The following TGFBR3 variants were observed in gnomAD, a reference collection of about 807,000 sequenced individuals.
TGFBR3 encodes transforming growth factor beta receptor type 3.
In TGFBR3, 46 loss-of-function variants were observed where a neutral mutation model predicts 87.9. That is an observed-to-expected ratio of 0.52 (90% confidence interval 0.41 to 0.67). The LOEUF (loss-of-function observed/expected upper bound fraction) is 0.67, where lower values mean the gene tolerates loss of function less well. Among genes scored for constraint, TGFBR3 ranks in the 30% least tolerant of loss-of-function variants. The pLI is 0.00. For synonymous variants in TGFBR3, 381 were observed against 391.6 expected, an observed-to-expected ratio of 0.97 and a Z score of 0.32; for missense variants, 866 against 1,041.9, an observed-to-expected ratio of 0.83 and a Z score of 2.32.
chr1:91,734,739 A>G (rs1449766442), intron 5 of TGFBR3, 37 bp downstream of exon 5: 1 of 1,608,178 alleles, frequency 6.2e-7, no homozygotes, highest in Admixed American at 1.7e-5. Context: ...ATTGCCTGTC[A>G]TAAATCAGTC....
chr1:91,884,723 A>C (rs1381980936), intron 1 of TGFBR3, among the ~76,000 whole-genome samples: 1 of 152,252 alleles, frequency 6.6e-6, no homozygotes, highest in Non-Finnish European at 1.5e-5. Flanking sequence ...GATTAAGTGC[A>C]CACAGTATGG....
chr1:91,695,329 T>C (rs1555890), intron 16 of TGFBR3, among the ~76,000 whole-genome samples: 17,688 of 152,162 alleles, frequency 0.12, 1,188 homozygotes, highest in South Asian at 0.25. Context: ...CTTCCTCTCA[T>C]GTATATGCCT....
chr1:91,863,738 G>A lies in TGFBR3; in HGVS notation c.-113-2094C>T, dbSNP rs1678280584. On this transcript the variant is annotated intron_variant, in intron 1 of 16. Transcript: ENST00000212355. ...CTAAAAGAACAAAATTACCAGTCAA[G>A]TTGAGGCATAAGTCATCAATGACAC... is the stretch of plus-strand genomic sequence containing the variant. 3 of 152,318 alleles carry A rather than the reference G, an allele frequency of 2.0e-5. No homozygotes were observed. In the South Asian group the frequency reaches 6.2e-4, roughly 32 times the overall value. The allele number at this position is 152,318 out of a possible 1,614,324, so 9.4% of individuals were successfully genotyped here.
At chr1:91,759,548 G>A (rs764542782) in intron 3 of TGFBR3, among the ~76,000 whole-genome samples, 19 of 152,072 alleles carry the variant, frequency 1.2e-4, no homozygotes, top group South Asian at 2.1e-4. Context: ...ACTCAACAAA[G>A]TCCTCTTGGC....
At chr1:91,778,755 T>C (rs1423694020) in intron 3 of TGFBR3, among the ~76,000 whole-genome samples, 1 of 152,162 alleles carries the variant, frequency 6.6e-6, no homozygotes, top group Non-Finnish European at 1.5e-5. Flanking sequence ...AGATAAAACA[T>C]CTATACTGAT....
chr1:91,712,162 C>A (rs757912878), intron 13 of TGFBR3, 81 bp downstream of exon 13: 3 of 1,363,042 alleles, frequency 2.2e-6, no homozygotes, highest in African/African-American at 2.9e-5. Context: ...AAACCTCAAC[C>A]TGCAAGACCT....
At chr1:91,714,425 T>C (rs755242711) in intron 12 of TGFBR3, among the ~76,000 whole-genome samples, 1 of 152,052 alleles carries the variant, frequency 6.6e-6, no homozygotes, top group Admixed American at 6.5e-5. Flanking sequence ...AGATGACCAA[T>C]GAACAGGTGG....
At chr1:91,800,625 T>C (rs1238079088) in intron 2 of TGFBR3, among the ~76,000 whole-genome samples, 1 of 151,466 alleles carries the variant, frequency 6.6e-6, no homozygotes, top group African/African-American at 2.4e-5. Flanking sequence ...AAGTTCCTCA[T>C]AGAATTTTTT....
intron 14 of TGFBR3, among the ~76,000 whole-genome samples, chr1:91,704,745 T>C (rs1193370786): frequency 2.6e-5 from 4 of 152,218 alleles, no homozygotes; most frequent in Non-Finnish European, 4.4e-5. Context: ...AACCCAACAC[T>C]GATTCCCAAG....
chr1:91,708,906 G>A (rs951046899), intron 13 of TGFBR3, 123 bp from the exon 14 acceptor site: 107 of 1,369,042 alleles, frequency 7.8e-5, no homozygotes, highest in Non-Finnish European at 1.0e-4. Context: ...CTACAGAAAA[G>A]CAAGAAGGTG....
chr1:91,698,065 C>T (rs373514129), intron 15 of TGFBR3, 24 bp downstream of exon 15: 101 of 1,612,074 alleles, frequency 6.3e-5, no homozygotes, highest in Middle Eastern at 1.6e-4. Flanking sequence ...GGTTTTATTT[C>T]GAAATAGTTG....
intron 14 of TGFBR3, among the ~76,000 whole-genome samples, chr1:91,706,071 G>C (rs533282481): frequency 6.6e-6 from 1 of 152,132 alleles, no homozygotes; most frequent in Non-Finnish European, 1.5e-5. Flanking sequence ...AAAGCAAGCC[G>C]CTGCCTTCAA....
intron 14 of TGFBR3, among the ~76,000 whole-genome samples, chr1:91,704,777 C>T (rs1671739848): frequency 6.6e-6 from 1 of 152,144 alleles, no homozygotes; most frequent in African/African-American, 2.4e-5. Flanking sequence ...TCAAAAGTGG[C>T]AAAGATGTGC....
intron 16 of TGFBR3, among the ~76,000 whole-genome samples, chr1:91,694,121 A>G (rs1236924989): frequency 1.3e-5 from 2 of 152,118 alleles, no homozygotes; most frequent in Non-Finnish European, 1.5e-5. Context: ...CACCTCAGCC[A>G]GCTGGGACAA....
chr1:91,781,545 A>G (rs1674768286), intron 3 of TGFBR3, among the ~76,000 whole-genome samples: 2 of 152,216 alleles, frequency 1.3e-5, no homozygotes, highest in Non-Finnish European at 2.9e-5. Flanking sequence ...AAGATAAAGG[A>G]TAAATCTTTA....
chr1:91,760,709 G>C (rs1673927222), intron 3 of TGFBR3, among the ~76,000 whole-genome samples: 1 of 152,186 alleles, frequency 6.6e-6, no homozygotes, highest in African/African-American at 2.4e-5. Context: ...TAGATGAACA[G>C]TGATGTCAAG....
chr1:91,756,472 T>A (rs1188538087), intron 4 of TGFBR3, among the ~76,000 whole-genome samples: 3 of 152,144 alleles, frequency 2.0e-5, no homozygotes, highest in African/African-American at 7.2e-5. Flanking sequence ...ACTACTTAAC[T>A]TCTCTAAATC....
intron 2 of TGFBR3, among the ~76,000 whole-genome samples, chr1:91,800,323 T>A (rs1375386350): frequency 2.0e-5 from 2 of 99,694 alleles, no homozygotes; most frequent in African/African-American, 7.4e-5. Flanking sequence ...TGTATATATA[T>A]GTGTATATGT....
intron 3 of TGFBR3, chr1:91,770,709 T>C (rs1324543454): frequency 6.6e-6 from 1 of 152,218 alleles, no homozygotes; most frequent in Admixed American, 6.5e-5. Context: ...CCTTCAGACC[T>C]CTGTTATGTT....
Sources: allele counts gnomAD v4.1 joint callset (sites outside exome capture counted in the v4.1 genomes callset), GRCh38; gene constraint gnomAD v4.1.1; transcripts MANE v1.5; gene names NCBI Gene and HGNC (gene_info 2026-07-23, HGNC 2026-07-21).